SEMA3A: variants seen among roughly 807,000 people sequenced by gnomAD.
SEMA3A encodes the protein semaphorin-3A.
In SEMA3A, 29 loss-of-function variants were observed where a neutral mutation model predicts 97.9. That is an observed-to-expected ratio of 0.30 (90% confidence interval 0.22 to 0.40). The LOEUF (loss-of-function observed/expected upper bound fraction) is 0.40, where lower values mean the gene tolerates loss of function less well. SEMA3A is among the 10% of genes least tolerant of loss of function. The probability of loss-of-function intolerance (pLI) is 1.00; values close to 1 mark genes in which losing one functional copy is unlikely to be tolerated. For missense variants in SEMA3A, 763 were observed against 951.3 expected (o/e 0.80, Z 2.60); for synonymous variants, 321 against 323.7 (o/e 0.99, Z 0.09).
At position 83,972,390 on chromosome 7, in the gene SEMA3A, ATATT is replaced by A. The variant is rs151103026; in HGVS notation, c.1717+4738_1717+4741del. Among the ~76,000 whole-genome samples the A allele has an allele frequency of 1.8e-3, 270 of 152,132 alleles. 1 individual carries two copies. The highest frequency in any genetic ancestry group is 6.2e-3 in the African/African-American group (258 of 41,544). On this transcript the variant is annotated intron_variant, in intron 15 of 16. Coordinates refer to ENST00000265362, the MANE Select transcript of SEMA3A (RefSeq NM_006080.3). ...TACCAATATGAAGATATCTACTGTA[ATATT>A]TATTTAGTTTATACTGAACATCTGG...
At chr7:84,111,512 A>G (rs1223613261) in intron 3 of SEMA3A, among the ~76,000 whole-genome samples, 1 of 152,220 alleles carries the variant, frequency 6.6e-6, no homozygotes, top group Non-Finnish European at 1.5e-5. Context: ...GGATCAGGCA[A>G]CCAAATTTAA....
chr7:84,335,297 T>A (rs968927988), intron 2 of SEMA3A, among the ~76,000 whole-genome samples: 2 of 152,122 alleles, frequency 1.3e-5, no homozygotes, highest in Non-Finnish European at 2.9e-5. Context: ...ACAAAAAACA[T>A]GAGTTTTACA....
intron 3 of SEMA3A, among the ~76,000 whole-genome samples, chr7:84,283,443 A>C (rs137900284): frequency 1.7e-3 from 254 of 152,246 alleles, no homozygotes; most frequent in African/African-American, 5.7e-3. Context: ...AATCCAAGAA[A>C]AACACTCAAA....
Position 84,290,164 on chromosome 7 carries a change from A to G in SEMA3A, c.-83+17043T>C, listed in dbSNP as rs139355787. 1.2e-3 allele frequency among the ~76,000 whole-genome samples: 180 copies of G among 152,206 alleles called. 2 individuals carry two copies. Among genetic ancestry groups the G allele is most frequent in the African/African-American group, 4.3e-3 (179 of 41,542 alleles). On this transcript the variant is annotated intron_variant, in intron 3 of 3. Coordinates refer to the SEMA3A transcript ENST00000424555. ...GAAGATGAAAAAATTCCGTTATTAG[A>G]TTGTGATGATAATTATACCACCTTG...
intron 3 of SEMA3A, among the ~76,000 whole-genome samples, chr7:84,253,925 T>C (rs1799663214): frequency 6.6e-6 from 1 of 152,146 alleles, no homozygotes; most frequent in South Asian, 2.1e-4. Flanking sequence ...TGATCCCAAA[T>C]TGGGGTTTGG....
At chr7:84,142,352 C>T (rs1265342555) in intron 1 of SEMA3A, among the ~76,000 whole-genome samples, 1 of 152,028 alleles carries the variant, frequency 6.6e-6, no homozygotes, top group African/African-American at 2.4e-5. Flanking sequence ...AAATCTGTAA[C>T]AGCAACAACA....
At chr7:84,077,295 C>A (rs1255159001) in intron 4 of SEMA3A, among the ~76,000 whole-genome samples, 2 of 152,008 alleles carry the variant, frequency 1.3e-5, no homozygotes, top group African/African-American at 4.8e-5. Context: ...TATTTGTGAT[C>A]TTATAATTTC....
chr7:84,253,631 C>T (rs1799656968), intron 3 of SEMA3A, among the ~76,000 whole-genome samples: 1 of 152,088 alleles, frequency 6.6e-6, no homozygotes, highest in African/African-American at 2.4e-5. Flanking sequence ...TGGTTCTTCT[C>T]ATCTGATGGT....
At chr7:84,436,042 C>T (rs1189120245) in intron 1 of SEMA3A, among the ~76,000 whole-genome samples, 1 of 152,116 alleles carries the variant, frequency 6.6e-6, no homozygotes, top group Non-Finnish European at 1.5e-5. Flanking sequence ...CTAAAACTAT[C>T]TGATGTTCAA....
chr7:84,479,876 C>A, intron 1 of SEMA3A, among the ~76,000 whole-genome samples: 1 of 152,082 alleles, frequency 6.6e-6, no homozygotes, highest in Admixed American at 6.6e-5. Flanking sequence ...ATCTCAAGAT[C>A]AATTTAAAGC....
At chr7:84,151,551 A>G (rs1423760198) in intron 1 of SEMA3A, among the ~76,000 whole-genome samples, 1 of 152,052 alleles carries the variant, frequency 6.6e-6, no homozygotes, top group Non-Finnish European at 1.5e-5. Context: ...AAAAGAATAA[A>G]AAGAAATGAG....
chr7:84,078,375 A>G (rs1333030794), intron 4 of SEMA3A, among the ~76,000 whole-genome samples: 2 of 152,064 alleles, frequency 1.3e-5, no homozygotes, highest in South Asian at 4.1e-4. Context: ...TTGCATTTTT[A>G]AAAAAGCTAT....
At chr7:84,390,516 G>A (rs1803513497) in intron 1 of SEMA3A, among the ~76,000 whole-genome samples, 1 of 151,674 alleles carries the variant, frequency 6.6e-6, no homozygotes, top group Non-Finnish European at 1.5e-5. Context: ...TTTCCCTGAA[G>A]TGCTACTGTG....
At chr7:84,467,699 CTT>C (rs1414501941) in intron 1 of SEMA3A, among the ~76,000 whole-genome samples, 1 of 152,038 alleles carries the variant, frequency 6.6e-6, no homozygotes, top group African/African-American at 2.4e-5. Flanking sequence ...TCTGAGAACT[CTT>C]TTCATTTACC....
At chr7:84,142,763 A>T (rs1159391514) in intron 1 of SEMA3A, among the ~76,000 whole-genome samples, 3 of 152,158 alleles carry the variant, frequency 2.0e-5, no homozygotes, top group Non-Finnish European at 4.4e-5. Flanking sequence ...ACAAGTCTCA[A>T]ATATATATCT....
At position 84,007,469 on chromosome 7, in the gene SEMA3A, T is replaced by C. The variant is rs769957117; in HGVS notation, c.1024A>G (p.Met342Val). The change falls in exon 10 of 17, where the codon ATG becomes GTG. Residue 342 changes from methionine (M) to valine (V), a missense_variant. Coordinates refer to ENST00000265362, the MANE Select transcript of SEMA3A (RefSeq NM_006080.3). ...CTTCTCACATCACTCATGCTATACA[T>C]ACACACGGCTGATCCCTTGAAAATG... ...SNIFKGSAVC[M>V]YSMSDVRRVF... 1.3e-6 allele frequency: 2 copies of C among 1,592,044 alleles called. No homozygotes were observed. The highest frequency in any genetic ancestry group is 1.7e-6 in the Non-Finnish European group (2 of 1,168,908).
At chr7:84,126,098 G>T (rs998775485) in intron 3 of SEMA3A, among the ~76,000 whole-genome samples, 5 of 152,048 alleles carry the variant, frequency 3.3e-5, no homozygotes, top group Non-Finnish European at 7.4e-5. Flanking sequence ...ACTAATAATA[G>T]CAATAATGAC....
chr7:84,477,282 C>CA (rs892966093), intron 1 of SEMA3A, among the ~76,000 whole-genome samples: 1 of 149,376 alleles, frequency 6.7e-6, no homozygotes, highest in Non-Finnish European at 1.5e-5. Context: ...ACTAAAAATA[C>CA]AAAAAAATTA....
chr7:84,457,894 T>C (rs1428763671), intron 1 of SEMA3A, among the ~76,000 whole-genome samples: 9 of 151,992 alleles, frequency 5.9e-5, no homozygotes, highest in Admixed American at 5.9e-4. Context: ...AACTGATGTA[T>C]GGGAAATTAA....
Sources: allele counts gnomAD v4.1 joint callset (sites outside exome capture counted in the v4.1 genomes callset), GRCh38; gene constraint gnomAD v4.1.1; transcripts MANE v1.5; gene names NCBI Gene and HGNC (gene_info 2026-07-23, HGNC 2026-07-21).